CDH18: variants seen among roughly 807,000 people sequenced by gnomAD.
The protein encoded by CDH18 is cadherin-18.
Under a neutral mutation model 67.9 loss-of-function variants are expected in CDH18, and 31 were observed. That is an observed-to-expected ratio of 0.46 (90% CI 0.34 to 0.62). The LOEUF is 0.62. Ranked by LOEUF, CDH18 falls within the 20% of genes least tolerant of loss-of-function variation. The pLI is 0.01. For synonymous variants in CDH18, 362 were observed against 347.2 expected (o/e 1.04, Z -0.48); for missense variants, 890 against 975.5 (o/e 0.91, Z 1.17).
At chr5:20,487,730 T>G (rs1581094970) in intron 1 of CDH18, among the ~76,000 whole-genome samples, 1 of 146,326 alleles carries the variant, frequency 6.8e-6, no homozygotes, top group East Asian at 2.0e-4. Flanking sequence ...TGTTAGGTAA[T>G]TATGAACATG....
At chr5:20,122,035 C>T in intron 2 of CDH18, among the ~76,000 whole-genome samples, 1 of 152,282 alleles carries the variant, frequency 6.6e-6, no homozygotes, top group Admixed American at 6.5e-5. Context: ...TCCCTCCCCC[C>T]TCTCACAATG....
chr5:19,747,985 C>G (rs576651636), intron 3 of CDH18, among the ~76,000 whole-genome samples: 2 of 149,920 alleles, frequency 1.3e-5, no homozygotes, highest in African/African-American at 4.9e-5. Flanking sequence ...TGGTGGCGGG[C>G]GCCTGTAGTC....
At chr5:19,518,282 A>G (rs536807262) in intron 10 of CDH18, among the ~76,000 whole-genome samples, 26 of 152,188 alleles carry the variant, frequency 1.7e-4, no homozygotes, top group Non-Finnish European at 2.9e-4. Flanking sequence ...GAAATGTTAA[A>G]TTAATTAAGT....
intron 2 of CDH18, among the ~76,000 whole-genome samples, chr5:20,106,007 C>CT (rs1208993346): frequency 6.6e-6 from 1 of 152,116 alleles, no homozygotes; most frequent in Non-Finnish European, 1.5e-5. Context: ...TTCTGTCCCC[C>CT]TTTTTTTCTG....
chr5:19,534,072 A>G (rs1432652329), intron 9 of CDH18, among the ~76,000 whole-genome samples: 1 of 152,158 alleles, frequency 6.6e-6, no homozygotes, highest in African/African-American at 2.4e-5. Flanking sequence ...TTGGCACATT[A>G]AGTAAATGTG....
chr5:20,289,617 A>G (rs1164943582), intron 1 of CDH18, among the ~76,000 whole-genome samples: 1 of 152,034 alleles, frequency 6.6e-6, no homozygotes, highest in Admixed American at 6.6e-5. Context: ...TTTCCTCATT[A>G]ATGAAATAAG....
chr5:19,668,408 A>G lies in CDH18; in HGVS notation c.643+52939T>C, dbSNP rs1471063136. Among the ~76,000 whole-genome samples the G allele has an allele frequency of 3.3e-5, 5 of 152,216 alleles. No homozygotes were observed. In the East Asian group the frequency reaches 9.7e-4, roughly 29 times the overall value. On this transcript the variant is annotated intron_variant, in intron 5 of 12. Coordinates refer to ENST00000382275, the MANE Select transcript of CDH18 (RefSeq NM_004934.5). ...TAAAAAACAAATAAGATGATAATAAACATCCGCTTATATTAAAAGTTTCTC... is the reference window on the plus strand; with the variant it reads ...TAAAAAACAAATAAGATGATAATAAGCATCCGCTTATATTAAAAGTTTCTC...
chr5:19,914,008 C>A (rs1450065607), intron 2 of CDH18, among the ~76,000 whole-genome samples: 1 of 151,942 alleles, frequency 6.6e-6, no homozygotes, highest in East Asian at 1.9e-4. Context: ...AAAAATGAGA[C>A]CATTAGGATC....
At chr5:19,662,162 G>T (rs1469887193) in intron 5 of CDH18, among the ~76,000 whole-genome samples, 1 of 148,590 alleles carries the variant, frequency 6.7e-6, no homozygotes, top group Non-Finnish European at 1.5e-5. Flanking sequence ...TTTAAACAGC[G>T]TATATGTACA....
chr5:20,415,694 A>G (rs1387743076), intron 1 of CDH18, among the ~76,000 whole-genome samples: 1 of 152,080 alleles, frequency 6.6e-6, no homozygotes, highest in African/African-American at 2.4e-5. Flanking sequence ...AATGGCGTGA[A>G]CTTGGGAGGC....
chr5:20,450,587 C>T (rs938051907), intron 1 of CDH18, among the ~76,000 whole-genome samples: 3 of 152,144 alleles, frequency 2.0e-5, no homozygotes, highest in African/African-American at 7.2e-5. Flanking sequence ...CATCCCCACA[C>T]CACACAGACA....
intron 5 of CDH18, among the ~76,000 whole-genome samples, chr5:19,659,439 T>C (rs1210973971): frequency 6.6e-6 from 1 of 152,098 alleles, no homozygotes; most frequent in Non-Finnish European, 1.5e-5. Context: ...CTAAAACACT[T>C]GGGAGTTTGA....
intron 2 of CDH18, among the ~76,000 whole-genome samples, chr5:19,923,880 CTGT>C (rs1271712453): frequency 6.6e-6 from 1 of 152,198 alleles, no homozygotes; most frequent in Non-Finnish European, 1.5e-5. Flanking sequence ...CTGCCTAAAG[CTGT>C]TGTTCACCTC....
chr5:20,170,477 A>G (rs890059577), intron 2 of CDH18, among the ~76,000 whole-genome samples: 2 of 152,132 alleles, frequency 1.3e-5, no homozygotes, highest in Non-Finnish European at 2.9e-5. Context: ...AAACTATCAG[A>G]GAAATATTCT....
At chr5:20,135,381 G>A (rs1749616681) in intron 2 of CDH18, among the ~76,000 whole-genome samples, 2 of 152,150 alleles carry the variant, frequency 1.3e-5, no homozygotes, top group African/African-American at 4.8e-5. Context: ...TTTGCATAGA[G>A]GTGATTATAG....
chr5:20,069,470 T>C (rs928137177), intron 2 of CDH18, among the ~76,000 whole-genome samples: 1 of 151,992 alleles, frequency 6.6e-6, no homozygotes, highest in Non-Finnish European at 1.5e-5. Flanking sequence ...TGGAGTGCAA[T>C]AGCACCATCT....
At chr5:19,962,725 G>A (rs556445239) in intron 2 of CDH18, among the ~76,000 whole-genome samples, 11 of 152,058 alleles carry the variant, frequency 7.2e-5, no homozygotes, top group Non-Finnish European at 8.8e-5. Flanking sequence ...GCAGTGAACC[G>A]AGATTGCACC....
chr5:19,727,456 C>T (rs966777912), intron 4 of CDH18, among the ~76,000 whole-genome samples: 2 of 152,122 alleles, frequency 1.3e-5, no homozygotes, highest in South Asian at 4.1e-4. Flanking sequence ...GTCAGCGAAC[C>T]ACTAGATGCT....
chr5:19,756,827 T>A (rs1323026487), intron 3 of CDH18, among the ~76,000 whole-genome samples: 1 of 152,190 alleles, frequency 6.6e-6, no homozygotes, highest in Admixed American at 6.5e-5. Context: ...TGCTAGTGGA[T>A]CACTAGGGGA....
Sources: gnomAD v4.1 joint callset for allele counts (sites outside exome capture counted in the v4.1 genomes callset) on GRCh38, gnomAD v4.1.1 for gene constraint, MANE v1.5 for transcripts, NCBI Gene and HGNC (gene_info 2026-07-23, HGNC 2026-07-21) for gene names.